RGL1: variants seen among roughly 807,000 people sequenced by gnomAD.
The protein encoded by RGL1 is ral guanine nucleotide dissociation stimulator-like 1.
RGL1 carries 24 observed loss-of-function variants against 95.2 expected under a neutral mutation model. That is an observed-to-expected ratio of 0.25 (90% confidence interval 0.18 to 0.35). The LOEUF is 0.35. Among genes scored for constraint, RGL1 ranks in the 10% least tolerant of loss-of-function variants. The pLI is 1.00. For missense variants in RGL1, 715 were observed against 936.3 expected (o/e 0.76, Z 3.08); for synonymous variants, 329 against 344.9 (o/e 0.95, Z 0.51).
At chr1:183,901,795 A>C (rs775930139) in intron 11 of RGL1, among the ~76,000 whole-genome samples, 4 of 152,200 alleles carry the variant, frequency 2.6e-5, no homozygotes, top group Non-Finnish European at 5.9e-5. Flanking sequence ...GCAGCAATAA[A>C]ATATTAAGTG....
In RGL1 at chr1:183,707,759, A is replaced by C. The variant is rs74674542; in HGVS notation, c.-32-34367A>C. Among the ~76,000 whole-genome samples the C allele has an allele frequency of 2.1e-3, 317 of 152,112 alleles. 11 individuals carry two copies. In the East Asian group the frequency reaches 0.047, roughly 23 times the overall value. On this transcript the variant is annotated intron_variant, in intron 1 of 18. Coordinates refer to the RGL1 transcript ENST00000304685. The stretch of plus-strand genomic sequence containing the variant: ...CTGACTGGGAAGATGGCAGCTGGGA[A>C]GATGGCGGCTGAGAAGCTAAAGAGG...
At chr1:183,718,705 A>G (rs1382573836) in intron 1 of RGL1, among the ~76,000 whole-genome samples, 1 of 151,996 alleles carries the variant, frequency 6.6e-6, no homozygotes, top group Non-Finnish European at 1.5e-5. Flanking sequence ...TCACAAGGTC[A>G]GGAGTTCGAG....
rs1558287057 is a variant in RGL1 at position 183,907,116 on chromosome 1, G to T, written c.1562+15G>T. 2 of 1,514,414 alleles carry T rather than the reference G, an allele frequency of 1.3e-6. No homozygotes were observed. Among genetic ancestry groups the T allele is most frequent in the African/African-American group, 1.4e-5 (1 of 73,004 alleles). The allele number at this position is 1,514,414 out of a possible 1,614,324, so 93.8% of individuals were successfully genotyped here. Reference sequence around the variant, plus strand: ...AGACTCAGCCTGTGAGTGTCCCCTGGGGGTTCTGGGGCTCCAAGAGGGTGC... The same window carrying T: ...AGACTCAGCCTGTGAGTGTCCCCTGTGGGTTCTGGGGCTCCAAGAGGGTGC... On this transcript the variant is annotated intron_variant, in intron 14 of 17. Transcript: ENST00000360851.
At chr1:183,692,148 T>C (rs1653982111) in intron 1 of RGL1, among the ~76,000 whole-genome samples, 1 of 152,138 alleles carries the variant, frequency 6.6e-6, no homozygotes, top group African/African-American at 2.4e-5. Flanking sequence ...CAGATACATA[T>C]ATGGAGATAT....
intron 3 of RGL1, among the ~76,000 whole-genome samples, chr1:183,859,892 C>T (rs1039890261): frequency 1.3e-5 from 2 of 152,148 alleles, no homozygotes; most frequent in Non-Finnish European, 2.9e-5. Flanking sequence ...TCAGACTTGG[C>T]GGAGAGGTGC....
intron 2 of RGL1, among the ~76,000 whole-genome samples, chr1:183,818,006 A>G (rs763074385): frequency 6.6e-6 from 1 of 152,198 alleles, no homozygotes; most frequent in Non-Finnish European, 1.5e-5. Flanking sequence ...TTGGAGGATT[A>G]TGATATTCTT....
intron 15 of RGL1, among the ~76,000 whole-genome samples, chr1:183,914,615 A>T (rs1668852968): frequency 6.6e-6 from 1 of 152,158 alleles, no homozygotes; most frequent in South Asian, 2.1e-4. Context: ...GTTGCTCTTA[A>T]GGGTGAAGTG....
chr1:183,916,767 G>A (rs1008262053), intron 16 of RGL1, 66 bp downstream of exon 16: 10 of 1,549,592 alleles, frequency 6.5e-6, no homozygotes, highest in South Asian at 2.4e-5. Context: ...TCTGTCGGCC[G>A]CTCAGACTAA....
At chr1:183,657,759 ATG>A (rs1245338778) in intron 1 of RGL1, among the ~76,000 whole-genome samples, 4 of 151,544 alleles carry the variant, frequency 2.6e-5, no homozygotes, top group Non-Finnish European at 5.9e-5. Context: ...ATACGTGTGC[ATG>A]TGTCTTTATA....
intron 2 of RGL1, among the ~76,000 whole-genome samples, chr1:183,790,635 A>T (rs894125947): frequency 6.6e-6 from 1 of 152,194 alleles, no homozygotes; most frequent in Non-Finnish European, 1.5e-5. Flanking sequence ...ACAATAAGTT[A>T]ACAGAAGGGC....
chr1:183,660,950 A>G (rs1419277686), intron 1 of RGL1, among the ~76,000 whole-genome samples: 1 of 152,244 alleles, frequency 6.6e-6, no homozygotes, highest in African/African-American at 2.4e-5. Context: ...CCTGCTCTTG[A>G]ATGACTACTG....
intron 1 of RGL1, among the ~76,000 whole-genome samples, chr1:183,695,384 G>T (rs1251030804): frequency 6.6e-6 from 1 of 152,198 alleles, no homozygotes; most frequent in Non-Finnish European, 1.5e-5. Context: ...ATGAGAGACT[G>T]TACTTGCTAG....
chr1:183,873,102 C>G (rs1370221878), intron 4 of RGL1, among the ~76,000 whole-genome samples: 1 of 152,120 alleles, frequency 6.6e-6, no homozygotes, highest in Non-Finnish European at 1.5e-5. Context: ...TGAGCAGAAA[C>G]TGATGTTCTA....
chr1:183,793,263 C>T (rs889570722), intron 2 of RGL1, among the ~76,000 whole-genome samples: 3 of 152,124 alleles, frequency 2.0e-5, no homozygotes, highest in African/African-American at 7.2e-5. Context: ...GACCCCATCT[C>T]TCACCGTGTA....
At position 183,912,324 on chromosome 1, in the gene RGL1, C is replaced by T. The variant is rs906494994; in HGVS notation, c.1749+56C>T. On this transcript the variant is annotated intron_variant, in intron 15 of 17. Coordinates refer to ENST00000360851, the MANE Select transcript of RGL1 (RefSeq NM_001297671.3). The stretch of plus-strand genomic sequence containing the variant: ...ATGCAGGCACCTACATGCTCTTTGC[C>T]ACACCACAGCAAGGAATGTCTGTTT... 10 of 1,393,372 alleles carry T rather than the reference C, an allele frequency of 7.2e-6. No homozygotes were observed. In the African/African-American group the frequency reaches 1.3e-4, roughly 18 times the overall value. 86.3% of individuals were successfully genotyped at this position (1,393,372 alleles called of 1,614,324 possible). A position where few individuals can be genotyped will look rare whatever the true frequency, so the allele number is the denominator to read the frequency against.
intron 1 of RGL1, among the ~76,000 whole-genome samples, chr1:183,725,816 T>C (rs1656281040): frequency 6.6e-6 from 1 of 152,232 alleles, no homozygotes; most frequent in Admixed American, 6.5e-5. Context: ...CTTGAACTAA[T>C]TGACATTTTT....
At chr1:183,844,027 T>C (rs1482992174) in intron 2 of RGL1, among the ~76,000 whole-genome samples, 1 of 148,310 alleles carries the variant, frequency 6.7e-6, no homozygotes, top group Non-Finnish European at 1.5e-5. Flanking sequence ...GGTTTTACTA[T>C]GTTGGCCAGG....
chr1:183,776,188 G>A (rs974656106), intron 2 of RGL1, among the ~76,000 whole-genome samples: 4 of 124,016 alleles, frequency 3.2e-5, no homozygotes, highest in East Asian at 2.4e-4. Context: ...TCGCTCTGTC[G>A]CCCAGGCTGG....
intron 2 of RGL1, among the ~76,000 whole-genome samples, chr1:183,811,142 A>C (rs1220438685): frequency 6.6e-6 from 1 of 152,236 alleles, no homozygotes; most frequent in Non-Finnish European, 1.5e-5. Flanking sequence ...GGGAGCAAGA[A>C]AAATCAATTA....
Sources: allele counts gnomAD v4.1 joint callset (sites outside exome capture counted in the v4.1 genomes callset), GRCh38; gene constraint gnomAD v4.1.1; transcripts MANE v1.5; gene names NCBI Gene and HGNC (gene_info 2026-07-23, HGNC 2026-07-21).